ASTN1: variants seen among roughly 807,000 people sequenced by gnomAD.
The protein encoded by ASTN1 is astrotactin 1, also known as astrotactin-1.
In ASTN1, 41 loss-of-function variants were observed where a neutral mutation model predicts 140.7. The ratio of observed to expected loss-of-function variants is 0.29; its 90% CI spans 0.23 to 0.38. The LOEUF (loss-of-function observed/expected upper bound fraction) is 0.38. Among genes scored for constraint, ASTN1 ranks in the 10% least tolerant of loss-of-function variants. ASTN1 has a pLI of 1.00. For missense variants in ASTN1, 1,479 were observed against 1,678.8 expected (o/e 0.88, Z 2.08); for synonymous variants, 640 against 652.2 (o/e 0.98, Z 0.29).
At chr1:177,091,283 G>A (rs1027638200) in intron 1 of ASTN1, among the ~76,000 whole-genome samples, 7 of 152,244 alleles carry the variant, frequency 4.6e-5, no homozygotes, top group Admixed American at 3.9e-4. Context: ...CTTTTAGTAC[G>A]TGACATTCTG....
intron 7 of ASTN1, among the ~76,000 whole-genome samples, chr1:177,016,885 T>A (rs1211624906): frequency 6.6e-6 from 1 of 152,234 alleles, no homozygotes; most frequent in East Asian, 1.9e-4. Flanking sequence ...CTCCTGGTTG[T>A]CCTTCTGTGG....
Position 176,863,239 on chromosome 1 carries a change from G to C in ASTN1, c.*1045C>G. The C allele has an allele frequency of 1.0e-6, 1 of 985,896 alleles. No homozygotes were observed. Among genetic ancestry groups the C allele is most frequent in the Non-Finnish European group, 1.2e-6 (1 of 829,934 alleles). 61.1% of individuals were successfully genotyped at this position (985,896 alleles called of 1,614,324 possible). On this transcript the variant is annotated 3_prime_UTR_variant, in exon 23 of 23. Transcript: ENST00000361833. Reference sequence around the variant, plus strand: ...AAAACTAGCAACACAAGCAAATTTAGCAAGGTGGGGATGAACAGAAGTTTT... The same window carrying C: ...AAAACTAGCAACACAAGCAAATTTACCAAGGTGGGGATGAACAGAAGTTTT...
At chr1:177,139,259 GTAATAT>G (rs1682348062) in intron 1 of ASTN1, among the ~76,000 whole-genome samples, 1 of 152,178 alleles carries the variant, frequency 6.6e-6, no homozygotes, top group South Asian at 2.1e-4. Context: ...GAGCAATTAA[GTAATAT>G]GAAATAATGT....
intron 8 of ASTN1, among the ~76,000 whole-genome samples, chr1:177,008,377 A>AAG (rs928676279): frequency 1.3e-5 from 2 of 151,228 alleles, no homozygotes; most frequent in African/African-American, 4.9e-5. Flanking sequence ...AGATAAAAGT[A>AAG]AGAGAGAGAG....
At position 176,862,356 on chromosome 1, in the gene ASTN1, T is replaced by G. The variant is rs911409165; in HGVS notation, c.*1928A>C. On this transcript the variant is annotated 3_prime_UTR_variant, in exon 23 of 23. Transcript: ENST00000361833. Reference sequence around the variant, plus strand: ...CAGGCTTCCTTCCCAGTCATGAGGGTGGGGAGGAGGGCCATGTGCAGTGGA... The same window carrying G: ...CAGGCTTCCTTCCCAGTCATGAGGGGGGGGAGGAGGGCCATGTGCAGTGGA... The G allele has an allele frequency of 1.0e-6, 1 of 985,218 alleles. No individual in the cohort carries two copies. The highest frequency in any genetic ancestry group is 1.7e-5 in the African/African-American group (1 of 57,284). The allele number at this position is 985,218 out of a possible 1,614,324, so 61.0% of individuals were successfully genotyped here.
chr1:176,979,404 C>T (rs2101877749), intron 8 of ASTN1, among the ~76,000 whole-genome samples: 1 of 152,292 alleles, frequency 6.6e-6, no homozygotes, highest in Non-Finnish European at 1.5e-5. Flanking sequence ...CTTTCCCTCC[C>T]TTCTGACCTG....
At chr1:177,080,837 A>C (rs1679144011) in intron 1 of ASTN1, among the ~76,000 whole-genome samples, 2 of 152,212 alleles carry the variant, frequency 1.3e-5, no homozygotes, top group Admixed American at 6.5e-5. Context: ...CAAGTTACAT[A>C]ACCTCGAAGC....
intron 21 of ASTN1, among the ~76,000 whole-genome samples, chr1:176,870,138 T>C (rs1668278816): frequency 1.3e-5 from 2 of 152,240 alleles, no homozygotes; most frequent in East Asian, 3.8e-4. Context: ...CATTAAATAT[T>C]TTCTCTTTTA....
chr1:176,919,397 C>T (rs764039264), intron 16 of ASTN1, among the ~76,000 whole-genome samples: 1 of 152,122 alleles, frequency 6.6e-6, no homozygotes, highest in Non-Finnish European at 1.5e-5. Context: ...AATACAGATC[C>T]CAACATATTA....
chr1:177,122,378 G>A (rs1681440636), intron 1 of ASTN1, among the ~76,000 whole-genome samples: 2 of 152,128 alleles, frequency 1.3e-5, no homozygotes, highest in African/African-American at 2.4e-5. Context: ...AACCTGATGA[G>A]TTGTAATATC....
intron 2 of ASTN1, among the ~76,000 whole-genome samples, chr1:177,050,370 G>T (rs921023163): frequency 6.6e-6 from 1 of 152,122 alleles, no homozygotes; most frequent in Non-Finnish European, 1.5e-5. Flanking sequence ...AGCCCAGCAG[G>T]CCCCAGATAC....
chr1:176,869,861 G>A (rs1007301138), intron 21 of ASTN1, among the ~76,000 whole-genome samples: 2 of 152,202 alleles, frequency 1.3e-5, no homozygotes, highest in African/African-American at 2.4e-5. Context: ...CAGTGCTTGC[G>A]AGTGATGTGA....
chr1:176,946,131 G>C lies in ASTN1; in HGVS notation c.2055-11C>G. On this transcript the variant is annotated splice_polypyrimidine_tract_variant and intron_variant, in intron 12 of 22. Transcript: ENST00000361833. ...TAGTCCTCGATGCACCTAGCACAGA[G>C]GAGAGCTCAATATAAGAAGTTATTC... 6.4e-7 allele frequency: 1 copy of C among 1,569,450 alleles called. No individual in the cohort carries two copies. The highest frequency in any genetic ancestry group is 8.7e-7 in the Non-Finnish European group (1 of 1,150,308).
chr1:177,012,341 G>A (rs921767922), intron 8 of ASTN1, among the ~76,000 whole-genome samples: 1 of 152,242 alleles, frequency 6.6e-6, no homozygotes, highest in South Asian at 2.1e-4. Context: ...ACAGTCATTT[G>A]TCTGGCGCTT....
chr1:176,889,325 C>G (rs191507944), intron 17 of ASTN1, among the ~76,000 whole-genome samples: 11 of 152,232 alleles, frequency 7.2e-5, no homozygotes, highest in Non-Finnish European at 1.5e-4. Context: ...AGGACTTTCT[C>G]TCTGGGTGAG....
chr1:177,152,870 A>C (rs895240572), intron 1 of ASTN1, among the ~76,000 whole-genome samples: 1 of 152,208 alleles, frequency 6.6e-6, no homozygotes, highest in African/African-American at 2.4e-5. Context: ...GTATAGGCAC[A>C]TGAATATATA....
rs77586275 is a variant in ASTN1, at chr1:176,903,442, C to T, written c.2672-8612G>A. On this transcript the variant is annotated intron_variant, in intron 16 of 22. Coordinates refer to ENST00000361833, the MANE Select transcript of ASTN1 (RefSeq NM_004319.3). ...TTGGCTTTATGGCCTCTGTCCCACT[C>T]ACTCCCAGGGCGAAGTGAGGATGTA... Among the ~76,000 whole-genome samples the T allele has an allele frequency of 3.8e-3, 580 of 152,324 alleles. 1 individual carries two copies. Among genetic ancestry groups the T allele is most frequent in the African/African-American group, 0.012 (513 of 41,576 alleles).
chr1:177,079,581 C>A (rs1679081159), intron 1 of ASTN1, among the ~76,000 whole-genome samples: 1 of 152,004 alleles, frequency 6.6e-6, no homozygotes, highest in South Asian at 2.1e-4. Flanking sequence ...GTTATGTGGG[C>A]CCTCAACTCT....
At chr1:177,018,569 A>G (rs922925965) in intron 7 of ASTN1, among the ~76,000 whole-genome samples, 11 of 152,194 alleles carry the variant, frequency 7.2e-5, no homozygotes, top group African/African-American at 2.7e-4. Flanking sequence ...TTAAAACTTA[A>G]TTTAGCTGGG....
Sources: gnomAD v4.1 joint callset for allele counts (sites outside exome capture counted in the v4.1 genomes callset) on GRCh38, gnomAD v4.1.1 for gene constraint, MANE v1.5 for transcripts, NCBI Gene and HGNC (gene_info 2026-07-23, HGNC 2026-07-21) for gene names.